Variants in IQCM observed in about 807,000 individuals in gnomAD.
The protein encoded by IQCM is IQ domain-containing protein M.
A neutral mutation model predicts 57.6 loss-of-function variants in IQCM; 45 were observed. The observed-to-expected ratio is 0.78, with a 90% CI of 0.62 to 1.00. The LOEUF (loss-of-function observed/expected upper bound fraction) is 1.00. IQCM is among the 50% of genes least tolerant of loss of function. IQCM has a pLI of 0.00. For synonymous variants in IQCM, 148 were observed against 158.9 expected, an observed-to-expected ratio of 0.93 and a Z score of 0.51; for missense variants, 468 against 511.6, an observed-to-expected ratio of 0.91 and a Z score of 0.82.
intron 7 of IQCM, among the ~76,000 whole-genome samples, chr4:149,657,641 C>G (rs1008424133): frequency 6.6e-6 from 1 of 152,044 alleles, no homozygotes; most frequent in Non-Finnish European, 1.5e-5. Flanking sequence ...ATAAGTGTTT[C>G]CTTTTCTCTA....
chr4:149,369,751 A>G (rs1256450100), intron 13 of IQCM, among the ~76,000 whole-genome samples: 1 of 152,234 alleles, frequency 6.6e-6, no homozygotes, highest in African/African-American at 2.4e-5. Context: ...ATCTGTGCTT[A>G]TAATCTTTTG....
intron 12 of IQCM, among the ~76,000 whole-genome samples, chr4:149,449,758 T>C (rs1736903461): frequency 6.6e-6 from 1 of 151,730 alleles, no homozygotes; most frequent in Non-Finnish European, 1.5e-5. Flanking sequence ...AAAGAATCAG[T>C]TTTGTTAAAA....
intron 12 of IQCM, among the ~76,000 whole-genome samples, chr4:149,510,843 C>G (rs938771847): frequency 1.3e-5 from 2 of 152,172 alleles, no homozygotes; most frequent in Non-Finnish European, 2.9e-5. Context: ...GCAGTACCTG[C>G]TATCCACACA....
At chr4:149,446,565 C>G (rs868531767) in intron 12 of IQCM, among the ~76,000 whole-genome samples, 83 of 151,630 alleles carry the variant, frequency 5.5e-4, no homozygotes, top group African/African-American at 1.9e-3. Context: ...TACGCAAAAC[C>G]AGGATCTTAA....
intron 7 of IQCM, among the ~76,000 whole-genome samples, chr4:149,660,529 A>C (rs901862556): frequency 2.6e-5 from 4 of 152,228 alleles, no homozygotes; most frequent in African/African-American, 9.6e-5. Flanking sequence ...AGACACATGC[A>C]CATGTATGTT....
chr4:149,458,493 C>G (rs927032321), intron 12 of IQCM, among the ~76,000 whole-genome samples: 1 of 151,898 alleles, frequency 6.6e-6, no homozygotes, highest in Non-Finnish European at 1.5e-5. Context: ...AGATTATTCT[C>G]TAATCCTCTT....
chr4:149,402,561 A>T (rs1006591378), intron 13 of IQCM, among the ~76,000 whole-genome samples: 3 of 151,918 alleles, frequency 2.0e-5, no homozygotes, highest in Middle Eastern at 6.8e-3. Flanking sequence ...AGAATAAGAG[A>T]GGAGAGAATA....
rs115745391 is a variant in IQCM at position 149,765,980 on chromosome 4, C to T, written c.-48-23241G>A. On this transcript the variant is annotated intron_variant, in intron 2 of 13. Transcript: ENST00000636793. ...CAATTAGCAGCACCCATTTCCTAGC[C>T]CCCTGCCCGCCAAATTATCCTTAAA... 4.4e-3 allele frequency among the ~76,000 whole-genome samples: 673 copies of T among 152,140 alleles called. 6 individuals are homozygous for T. The highest frequency in any genetic ancestry group is 0.015 in the African/African-American group (641 of 41,500).
At chr4:149,406,629 C>T (rs984600438) in intron 13 of IQCM, among the ~76,000 whole-genome samples, 5 of 152,236 alleles carry the variant, frequency 3.3e-5, no homozygotes, top group South Asian at 4.1e-4. Flanking sequence ...TAAGCCAAAG[C>T]AGAATATATG....
chr4:149,796,070 G>T lies in IQCM; in HGVS notation c.-49+19241C>A, dbSNP rs141615740. ...CAGAGGGAAAAGTAAGGGAGACTTT[G>T]TCTTTGGCCACAAGGGTAGAGTACC... On this transcript the variant is annotated intron_variant, in intron 2 of 13. Transcript: ENST00000636793. Among the ~76,000 whole-genome samples, 1,127 of 152,224 alleles carry T rather than the reference G, an allele frequency of 7.4e-3. 40 individuals are homozygous for T. The highest frequency in any genetic ancestry group is 0.045 in the Admixed American group (695 of 15,290).
intron 8 of IQCM, among the ~76,000 whole-genome samples, chr4:149,611,295 A>C (rs759254706): frequency 4.8e-4 from 73 of 152,098 alleles, no homozygotes; most frequent in Non-Finnish European, 8.8e-4. Context: ...AAAAACTAAA[A>C]ATAGAACTAC....
intron 2 of IQCM, among the ~76,000 whole-genome samples, chr4:149,768,592 A>C (rs1163092167): frequency 6.6e-6 from 1 of 152,076 alleles, no homozygotes; most frequent in Non-Finnish European, 1.5e-5. Flanking sequence ...TAGGAACTTG[A>C]ACTTTTGCTG....
chr4:149,584,306 GA>G (rs1195241252), intron 9 of IQCM, among the ~76,000 whole-genome samples: 3 of 151,366 alleles, frequency 2.0e-5, no homozygotes, highest in African/African-American at 4.8e-5. Flanking sequence ...CTAACAATTT[GA>G]AAATGTGTCA....
intron 8 of IQCM, among the ~76,000 whole-genome samples, chr4:149,600,109 T>C (rs1474366926): frequency 1.3e-5 from 2 of 152,138 alleles, no homozygotes; most frequent in Non-Finnish European, 2.9e-5. Context: ...ATTAAATCCT[T>C]TTTACTTGTG....
chr4:149,590,751 T>A (rs1340007072), intron 8 of IQCM, among the ~76,000 whole-genome samples: 2 of 152,202 alleles, frequency 1.3e-5, no homozygotes, highest in East Asian at 3.9e-4. Context: ...GGTTTGCAGC[T>A]TCATCCATGT....
intron 4 of IQCM, among the ~76,000 whole-genome samples, chr4:149,734,244 T>C (rs1320792157): frequency 6.6e-6 from 1 of 152,180 alleles, no homozygotes; most frequent in African/African-American, 2.4e-5. Flanking sequence ...GGTTTTAGTG[T>C]GCTAGTATTA....
chr4:149,732,712 T>C (rs758582216), intron 5 of IQCM, among the ~76,000 whole-genome samples: 12 of 152,192 alleles, frequency 7.9e-5, no homozygotes, highest in Admixed American at 1.3e-4. Context: ...TAAGCAGTCA[T>C]GTATTCAAGC....
At chr4:149,683,295 A>C (rs1265445998) in intron 6 of IQCM, among the ~76,000 whole-genome samples, 2 of 151,226 alleles carry the variant, frequency 1.3e-5, no homozygotes, top group African/African-American at 4.8e-5. Flanking sequence ...TGTTACTATA[A>C]ATGCCTAGAA....
intron 12 of IQCM, among the ~76,000 whole-genome samples, chr4:149,444,514 A>AT (rs1269249250): frequency 6.6e-6 from 1 of 151,934 alleles, no homozygotes; most frequent in Non-Finnish European, 1.5e-5. Context: ...AATTGCTTGA[A>AT]TAAAGATAGG....
Sources: gnomAD v4.1 joint callset for allele counts (sites outside exome capture counted in the v4.1 genomes callset) on GRCh38, gnomAD v4.1.1 for gene constraint, MANE v1.5 for transcripts, NCBI Gene and HGNC (gene_info 2026-07-23, HGNC 2026-07-21) for gene names.